Variants in NIBAN1 observed in about 807,000 individuals in gnomAD.
NIBAN1 encodes protein Niban 1.
A neutral mutation model predicts 75.1 loss-of-function variants in NIBAN1; 81 were observed. The ratio of observed to expected loss-of-function variants is 1.08; its 90% confidence interval spans 0.90 to 1.30. NIBAN1 has a LOEUF of 1.30. Ranked by LOEUF, NIBAN1 falls within the 50% of genes most tolerant of loss-of-function variation. The pLI, the probability that NIBAN1 is intolerant of heterozygous loss-of-function variation, is 0.00. For synonymous variants in NIBAN1, 436 were observed against 424.8 expected (o/e 1.03, Z -0.32); for missense variants, 1,133 against 1,128.1 (o/e 1.00, Z -0.06).
chr1:184,924,183 T>G (rs1657628854), intron 1 of NIBAN1, among the ~76,000 whole-genome samples: 1 of 152,090 alleles, frequency 6.6e-6, no homozygotes, highest in Admixed American at 6.5e-5. Context: ...CATGTGGACC[T>G]GTCATATATG....
intron 13 of NIBAN1, among the ~76,000 whole-genome samples, chr1:184,797,162 C>A (rs971325634): frequency 2.9e-5 from 4 of 137,066 alleles, no homozygotes; most frequent in East Asian, 2.2e-4. Flanking sequence ...TTTTTTGAGA[C>A]CGAGTCTCAC....
chr1:184,864,410 T>C (rs1342215781), intron 5 of NIBAN1, among the ~76,000 whole-genome samples: 1 of 152,226 alleles, frequency 6.6e-6, no homozygotes, highest in African/African-American at 2.4e-5. Flanking sequence ...AAACACTTTA[T>C]AGGTACATTA....
chr1:184,930,828 GGT>G (rs1490569795), intron 1 of NIBAN1, among the ~76,000 whole-genome samples: 4 of 152,072 alleles, frequency 2.6e-5, no homozygotes, highest in Non-Finnish European at 5.9e-5. Flanking sequence ...TGTACATTAT[GGT>G]TTTATGACAC....
At chr1:184,870,777 C>T (rs1656086175) in intron 5 of NIBAN1, among the ~76,000 whole-genome samples, 1 of 152,138 alleles carries the variant, frequency 6.6e-6, no homozygotes, top group South Asian at 2.1e-4. Context: ...ATACTCTATA[C>T]CGTAACCAAC....
chr1:184,921,573 A>C (rs1571575551), intron 1 of NIBAN1, among the ~76,000 whole-genome samples: 1 of 152,222 alleles, frequency 6.6e-6, no homozygotes. Flanking sequence ...TGGATAAGAA[A>C]GAAATTTTCT....
chr1:184,820,857 C>T (rs1654678160), intron 8 of NIBAN1, among the ~76,000 whole-genome samples: 1 of 152,200 alleles, frequency 6.6e-6, no homozygotes, highest in Admixed American at 6.5e-5. Flanking sequence ...AATGAGTTTA[C>T]TATATTACAA....
chr1:184,857,304 C>T (rs1470724235), intron 5 of NIBAN1, among the ~76,000 whole-genome samples: 1 of 152,158 alleles, frequency 6.6e-6, no homozygotes, highest in East Asian at 1.9e-4. Context: ...CAGTGACCTT[C>T]CTTCTTCTCC....
At position 184,803,693 on chromosome 1, in the gene NIBAN1, C is replaced by T; in HGVS notation, c.1447-1G>A. On this transcript the variant is annotated splice_acceptor_variant, in intron 11 of 13. Coordinates refer to ENST00000367511, the MANE Select transcript of NIBAN1 (RefSeq NM_052966.4). LOFTEE classifies it high-confidence loss of function. ...TGGTGCTGCTGTCATAATCATATTG[C>T]TGTCAATAAAGAAACATATGTTAAA... 1 of 1,612,460 alleles carries T rather than the reference C, an allele frequency of 6.2e-7. No homozygotes were observed. Among genetic ancestry groups the T allele is most frequent in the Non-Finnish European group, 8.5e-7 (1 of 1,178,596 alleles).
intron 1 of NIBAN1, among the ~76,000 whole-genome samples, chr1:184,938,156 T>G (rs1658007749): frequency 6.6e-6 from 1 of 152,138 alleles, no homozygotes; most frequent in African/African-American, 2.4e-5. Flanking sequence ...CACAGATATG[T>G]CAAGAATGAT....
At chr1:184,873,692 T>G (rs567859792) in intron 5 of NIBAN1, among the ~76,000 whole-genome samples, 1 of 152,212 alleles carries the variant, frequency 6.6e-6, no homozygotes, top group African/African-American at 2.4e-5. Context: ...TTACTTTTGT[T>G]AAATTGGTAT....
chr1:184,896,107 T>A (rs940240903), intron 2 of NIBAN1, among the ~76,000 whole-genome samples: 2 of 152,204 alleles, frequency 1.3e-5, no homozygotes, highest in Non-Finnish European at 2.9e-5. Flanking sequence ...GAATGATAGT[T>A]CTTTTTTAGT....
intron 1 of NIBAN1, among the ~76,000 whole-genome samples, chr1:184,924,825 G>A (rs1368543927): frequency 1.3e-5 from 2 of 152,060 alleles, no homozygotes; most frequent in Non-Finnish European, 2.9e-5. Flanking sequence ...CATATAGTTA[G>A]CCATAGTGGC....
At chr1:184,890,540 T>C (rs550117989) in intron 3 of NIBAN1, among the ~76,000 whole-genome samples, 4 of 152,316 alleles carry the variant, frequency 2.6e-5, no homozygotes, top group Admixed American at 2.6e-4. Flanking sequence ...ACATTTGCCA[T>C]TTCAGATGCT....
rs552345338 is a variant in NIBAN1, at chr1:184,898,160, A to C, written c.186+1019T>G. Among the ~76,000 whole-genome samples, 113 of 152,242 alleles carry C rather than the reference A, an allele frequency of 7.4e-4. 1 individual carries two copies. The highest frequency in any genetic ancestry group is 2.7e-3 in the African/African-American group (111 of 41,534). The stretch of plus-strand genomic sequence containing the variant: ...CTCCTCCCTTGCTCACAGTGCTCCC[A>C]GCAGACCGACCTTCCCTCTGTGTGG... On this transcript the variant is annotated intron_variant, in intron 2 of 13. Transcript: ENST00000367511.
intron 9 of NIBAN1, among the ~76,000 whole-genome samples, chr1:184,817,460 A>G (rs530198007): frequency 6.6e-5 from 10 of 152,310 alleles, no homozygotes; most frequent in Admixed American, 3.3e-4. Flanking sequence ...TGTCTTCCAC[A>G]ATGGTTGAAC....
In NIBAN1 at chr1:184,795,767, T is replaced by C. The variant is rs1653841255; in HGVS notation, c.1997A>G (p.Asn666Ser). ...TGCTGTGTCCTCTGTTGCCACAGGA[T>C]TCACCACGGGGTCATCCACTCTTGA... ...IISRVDDPVV[N>S]PVATEDTAGL... Residue 666 changes from asparagine to serine, a missense_variant, in exon 14 of 14, where the codon AAT becomes AGT. Physicochemically the swap from Asn to Ser is conservative, Grantham distance 46 (BLOSUM62 1). Coordinates refer to ENST00000367511, the MANE Select transcript of NIBAN1 (RefSeq NM_052966.4). 6.2e-7 allele frequency: 1 copy of C among 1,612,066 alleles called. No individual in the cohort carries two copies. Among genetic ancestry groups the C allele is most frequent in the African/African-American group, 1.3e-5 (1 of 74,998 alleles).
chr1:184,896,735 G>A (rs186734480), intron 2 of NIBAN1, among the ~76,000 whole-genome samples: 2 of 152,166 alleles, frequency 1.3e-5, no homozygotes, highest in Admixed American at 1.3e-4. Context: ...TGAGAGATAG[G>A]GGTCCAGTTT....
At chr1:184,924,829 T>C (rs563535220) in intron 1 of NIBAN1, among the ~76,000 whole-genome samples, 58 of 152,312 alleles carry the variant, frequency 3.8e-4, no homozygotes, top group African/African-American at 1.2e-3. Flanking sequence ...TAGTTAGCCA[T>C]AGTGGCCACT....
chr1:184,795,322 C>A lies in NIBAN1; in HGVS notation c.2442G>T (p.Glu814Asp). The A allele has an allele frequency of 6.2e-7, 1 of 1,611,268 alleles. No homozygotes were observed. Among genetic ancestry groups the A allele is most frequent in the Middle Eastern group, 1.7e-4 (1 of 6,054 alleles). Reference protein sequence around the residue: ...TEEPLGPMEGELPGEACTLTA... With the variant: ...TEEPLGPMEGDLPGEACTLTA... ...TGAGTGTGCAGGCCTCTCCTGGGAG[C>A]TCCCCCTCCATGGGCCCCAGGGGCT... Residue 814 changes from glutamate (E) to aspartate (D), a missense_variant, in exon 14 of 14, where the codon GAG (glutamate) becomes GAT (aspartate). By Grantham distance (45) the Glu-to-Asp change is conservative. Coordinates refer to ENST00000367511, the MANE Select transcript of NIBAN1 (RefSeq NM_052966.4).
Sources: gnomAD v4.1 joint callset for allele counts (sites outside exome capture counted in the v4.1 genomes callset) on GRCh38, gnomAD v4.1.1 for gene constraint, MANE v1.5 for transcripts, NCBI Gene and HGNC (gene_info 2026-07-23, HGNC 2026-07-21) for gene names.